NANOGNB: variants seen among roughly 807,000 people sequenced by gnomAD.
NANOGNB encodes NANOG neighbor homeobox.
A neutral mutation model predicts 25.0 loss-of-function variants in NANOGNB; 30 were observed. The observed-to-expected ratio is 1.20, with a 90% CI of 0.90 to 1.63. NANOGNB has a LOEUF of 1.63. Ranked by LOEUF, NANOGNB falls within the 40% of genes most tolerant of loss-of-function variation. The pLI, the probability that NANOGNB is intolerant of heterozygous loss-of-function variation, is 0.00. For missense variants in NANOGNB, 200 were observed against 188.1 expected (o/e 1.06, Z -0.37); for synonymous variants, 84 against 62.1 (o/e 1.35, Z -1.66).
intron 1 of NANOGNB, among the ~76,000 whole-genome samples, chr12:7,767,925 C>T (rs1865260189): frequency 6.6e-6 from 1 of 151,920 alleles, no homozygotes; most frequent in Non-Finnish European, 1.5e-5. Flanking sequence ...GTTGCCCAGG[C>T]TGGTTTTGAA....
chr12:7,771,089 A>G (rs1464892691), intron 3 of NANOGNB, among the ~76,000 whole-genome samples: 3 of 152,236 alleles, frequency 2.0e-5, no homozygotes, highest in Non-Finnish European at 2.9e-5. Context: ...GCAGTACAGA[A>G]TTGATAATTT....
intron 1 of NANOGNB, among the ~76,000 whole-genome samples, chr12:7,768,370 A>G (rs1865263053): frequency 6.6e-6 from 1 of 152,164 alleles, no homozygotes; most frequent in East Asian, 1.9e-4. Flanking sequence ...CTCCATATTC[A>G]TAATGGACAT....
chr12:7,770,263 C>T lies in NANOGNB; in HGVS notation c.383C>T (p.Thr128Ile), dbSNP rs893631836. ...AAGTTTAAGTTAAACAGGTGCCCCACTATACAAGAGAGTCTATCACTGTCA... is the reference window on the plus strand; with the variant it reads ...AAGTTTAAGTTAAACAGGTGCCCCATTATACAAGAGAGTCTATCACTGTCA... ...WAKFKLNRCP[T>I]IQESLSLSFE... Residue 128 changes from threonine (T) to isoleucine (I), a missense_variant, in exon 2 of 4, where the codon ACT becomes ATT. Thr to Ile is a moderately conservative substitution (Grantham distance 89). Coordinates refer to ENST00000382119, the MANE Select transcript of NANOGNB (RefSeq NM_001145465.1). The T allele has an allele frequency of 6.5e-7, 1 of 1,547,746 alleles. No individual in the cohort carries two copies. The highest frequency in any genetic ancestry group is 8.7e-7 in the Non-Finnish European group (1 of 1,146,086).
chr12:7,770,758 A>G (rs1865285880), intron 3 of NANOGNB, among the ~76,000 whole-genome samples: 1 of 152,098 alleles, frequency 6.6e-6, no homozygotes, highest in African/African-American at 2.4e-5. Flanking sequence ...GATTACAGGC[A>G]TGCGCCACCA....
Position 7,770,438 on chromosome 12 carries a change from G to A in NANOGNB, c.436-1G>A. ...ACCTCCCACACCTCATTTTTTTGTA[G>A]ATAAGTCAATGGTTTTGTAAAACGA... On this transcript the variant is annotated splice_acceptor_variant, in intron 2 of 3. Coordinates refer to ENST00000382119, the MANE Select transcript of NANOGNB (RefSeq NM_001145465.1). LOFTEE classifies it high-confidence loss of function. The A allele has an allele frequency of 6.5e-7, 1 of 1,537,586 alleles. No homozygotes were observed.
At position 7,774,099 on chromosome 12, in the gene NANOGNB, T is replaced by C. The variant is rs1310258194; in HGVS notation, c.*248T>C. ...ATAATGGATGTTAATTGATTTTATTTAAGAAAAAAAATCGAGTCAAGGCCG... is the reference window on the plus strand; with the variant it reads ...ATAATGGATGTTAATTGATTTTATTCAAGAAAAAAAATCGAGTCAAGGCCG... On this transcript the variant is annotated 3_prime_UTR_variant, in exon 4 of 4. Transcript: ENST00000382119. 2 of 311,862 alleles carry C rather than the reference T, an allele frequency of 6.4e-6. No homozygotes were observed. Among genetic ancestry groups the C allele is most frequent in the African/African-American group, 4.4e-5 (2 of 45,920 alleles). 19.3% of individuals were successfully genotyped at this position (311,862 alleles called of 1,614,324 possible).
At chr12:7,773,669 C>T in intron 3 of NANOGNB, 131 bp from the exon 4 acceptor site, 1 of 366,672 alleles carries the variant, frequency 2.7e-6, no homozygotes, top group Non-Finnish European at 4.8e-6. Context: ...AGGTTGCAGT[C>T]AGCCGAGATT....
In NANOGNB at chr12:7,770,039, T is replaced by A; in HGVS notation, c.159T>A (p.Ser53Arg). The A allele has an allele frequency of 6.5e-7, 1 of 1,535,894 alleles. No homozygotes were observed. The highest frequency in any genetic ancestry group is 8.7e-7 in the Non-Finnish European group (1 of 1,143,758). ...QDPEQSTGNY[S>R]EDEQNGKQKW... ...CAGAACAATCAACTGGAAATTACAG[T>A]GAAGATGAACAAAATGGAAAGCAGA... Residue 53 changes from serine to arginine, a missense_variant, in exon 2 of 4, where the codon AGT becomes AGA. Transcript: ENST00000382119.
intron 1 of NANOGNB, among the ~76,000 whole-genome samples, chr12:7,767,735 T>C (rs1224532483): frequency 6.6e-6 from 1 of 151,950 alleles, no homozygotes; most frequent in East Asian, 1.9e-4. Flanking sequence ...CAACTTTCAC[T>C]TAACTTGCTT....
chr12:7,771,767 C>A (rs1229171019), intron 3 of NANOGNB, among the ~76,000 whole-genome samples: 1 of 151,962 alleles, frequency 6.6e-6, no homozygotes, highest in South Asian at 2.1e-4. Flanking sequence ...GTTACAGGCA[C>A]GCGCCACTAT....
intron 1 of NANOGNB, 143 bp downstream of exon 1, chr12:7,765,530 A>G (rs1407950494): frequency 1.2e-5 from 2 of 169,328 alleles, no homozygotes; most frequent in South Asian, 1.1e-4. Flanking sequence ...AGATCGCGCC[A>G]CTGCACTCCA....
At chr12:7,769,950 G>A in intron 1 of NANOGNB, 33 bp from the exon 2 acceptor site, 1 of 1,446,304 alleles carries the variant, frequency 6.9e-7, no homozygotes, top group Non-Finnish European at 9.2e-7. Context: ...TTTAGCTGCA[G>A]CTTGATTTTA....
At chr12:7,770,404 G>A in intron 2 of NANOGNB, 35 bp from the exon 3 acceptor site, 7 of 1,528,118 alleles carry the variant, frequency 4.6e-6, no homozygotes, top group African/African-American at 1.4e-5. Flanking sequence ...CCTTATTCCT[G>A]TATTAATCAC....
In NANOGNB at chr12:7,766,273, C is replaced by T. The variant is rs1865243463; in HGVS notation, c.102+886C>T. ...ATCGCTTGAGCTCAGGAGTTGAAGA[C>T]CATCCTGGCCAAGATGATGAAACCC... On this transcript the variant is annotated intron_variant, in intron 1 of 3. Transcript: ENST00000382119. 1.8e-5 allele frequency: 7 copies of T among 396,560 alleles called. No individual in the cohort carries two copies. The South Asian group carries it at 7.9e-4, about 45-fold the overall frequency. The allele number at this position is 396,560 out of a possible 1,614,324, so 24.6% of individuals were successfully genotyped here.
At chr12:7,765,441 G>C (rs1257614175) in intron 1 of NANOGNB, 54 bp downstream of exon 1, 3 of 348,716 alleles carry the variant, frequency 8.6e-6, no homozygotes, top group Admixed American at 7.8e-5. Flanking sequence ...GTGGTGGCGG[G>C]CGCCTGTAGT....
At chr12:7,766,989 C>T (rs111491889) in intron 1 of NANOGNB, among the ~76,000 whole-genome samples, 29 of 151,594 alleles carry the variant, frequency 1.9e-4, no homozygotes, top group Admixed American at 9.2e-4. Flanking sequence ...TACAGGCGTG[C>T]GCCACCAAGC....
chr12:7,773,315 C>T (rs1176998731), intron 3 of NANOGNB, among the ~76,000 whole-genome samples: 1 of 151,604 alleles, frequency 6.6e-6, no homozygotes, highest in African/African-American at 2.4e-5. Context: ...TTTCTTACCA[C>T]TTTGAAATTT....
At chr12:7,765,539 C>T (rs112174316) in intron 1 of NANOGNB, among the ~76,000 whole-genome samples, 152 bp downstream of exon 1, 3 of 135,886 alleles carry the variant, frequency 2.2e-5, no homozygotes, top group Middle Eastern at 4.9e-3. Flanking sequence ...CACTGCACTC[C>T]AGCCTGGGCG....
Position 7,765,332 on chromosome 12 carries a change from A to G in NANOGNB, c.47A>G (p.Glu16Gly), listed in dbSNP as rs1266206139. Residue 16 changes from glutamate (E) to glycine (G), a missense_variant, in exon 1 of 4, where the codon GAG becomes GGG. Physicochemically the swap from Glu to Gly is moderately conservative, Grantham distance 98. Coordinates refer to ENST00000382119, the MANE Select transcript of NANOGNB (RefSeq NM_001145465.1). ...ACGCCTGTAATCCCAGCACTTTGGG[A>G]GGCCGAGGCGGGCAGATCACGAGGT... ...WLTPVIPALW[E>G]AEAGRSRGQE... The G allele has an allele frequency of 6.3e-5, 55 of 878,108 alleles. No individual in the cohort carries two copies. Among genetic ancestry groups the G allele is most frequent in the Non-Finnish European group, 8.7e-5 (54 of 619,764 alleles). 54.4% of individuals were successfully genotyped at this position (878,108 alleles called of 1,614,324 possible). A position where few individuals can be genotyped will look rare whatever the true frequency, so the allele number is the denominator to read the frequency against.
Sources: gnomAD v4.1 joint callset for allele counts (sites outside exome capture counted in the v4.1 genomes callset) on GRCh38, gnomAD v4.1.1 for gene constraint, MANE v1.5 for transcripts, NCBI Gene and HGNC (gene_info 2026-07-23, HGNC 2026-07-21) for gene names.